The following CNBD1 variants were observed in gnomAD, a reference collection of about 807,000 sequenced individuals.
CNBD1 encodes cyclic nucleotide binding domain containing 1.
In CNBD1, 71 loss-of-function variants were observed where a neutral mutation model predicts 54.4. That is an observed-to-expected ratio of 1.30 (90% CI 1.08 to 1.59). The LOEUF (loss-of-function observed/expected upper bound fraction) is 1.59. Among genes scored for constraint, CNBD1 ranks in the 40% most tolerant of loss-of-function variants. The pLI, the probability that CNBD1 is intolerant of heterozygous loss-of-function variation, is 0.00. For synonymous variants in CNBD1, 182 were observed against 170.7 expected, an observed-to-expected ratio of 1.07 and a Z score of -0.51; for missense variants, 659 against 518.0, an observed-to-expected ratio of 1.27 and a Z score of -2.64.
At chr8:87,239,453 T>C (rs866243430) in intron 6 of CNBD1, among the ~76,000 whole-genome samples, 1 of 152,160 alleles carries the variant, frequency 6.6e-6, no homozygotes, top group Non-Finnish European at 1.5e-5. Flanking sequence ...AGGAGAGTTT[T>C]GTAGTTTTGC....
chr8:86,866,666 T>C (rs1293714096), intron 1 of CNBD1, 83 bp downstream of exon 1: 1 of 1,011,190 alleles, frequency 9.9e-7, no homozygotes, highest in Non-Finnish European at 1.5e-6. Context: ...ATTGGGGGTA[T>C]TTCAGGGTTG....
At chr8:86,938,558 G>A (rs1809592241) in intron 3 of CNBD1, among the ~76,000 whole-genome samples, 1 of 152,212 alleles carries the variant, frequency 6.6e-6, no homozygotes, top group Non-Finnish European at 1.5e-5. Context: ...TTACATAGGA[G>A]CAGGCAAATA....
At chr8:87,047,159 G>A (rs1269181848) in intron 4 of CNBD1, among the ~76,000 whole-genome samples, 1 of 152,040 alleles carries the variant, frequency 6.6e-6, no homozygotes, top group Non-Finnish European at 1.5e-5. Flanking sequence ...CCCGGGTATG[G>A]CACTTTTCCT....
At chr8:87,405,817 T>C (rs1373566504) in intron 2 of CNBD1, among the ~76,000 whole-genome samples, 4 of 152,174 alleles carry the variant, frequency 2.6e-5, no homozygotes, top group Non-Finnish European at 4.4e-5. Context: ...TTTTAGAGAT[T>C]CTGAAACCAG....
chr8:87,265,790 A>G (rs981835847), intron 6 of CNBD1, among the ~76,000 whole-genome samples: 1 of 152,160 alleles, frequency 6.6e-6, no homozygotes, highest in African/African-American at 2.4e-5. Flanking sequence ...TGCAAAACTG[A>G]AAATATGTAC....
chr8:86,912,211 A>G (rs1227184285), intron 3 of CNBD1, among the ~76,000 whole-genome samples: 1 of 152,178 alleles, frequency 6.6e-6, no homozygotes, highest in Non-Finnish European at 1.5e-5. Flanking sequence ...AAAAATTCAG[A>G]TTAACTTTAA....
chr8:87,223,478 GA>G (rs1814394734), intron 5 of CNBD1, among the ~76,000 whole-genome samples: 1 of 149,642 alleles, frequency 6.7e-6, no homozygotes, highest in Non-Finnish European at 1.5e-5. Context: ...ACCTATGAGT[GA>G]GAATATGCAG....
rs1053003967 is a variant in CNBD1, at chr8:87,390,670, G to A, written c.213+36884G>A. ...ACTATAAACTAGTTCAACCATTGTG[G>A]AAGTGAGTGTGATGATTCCTCAGGG... On this transcript the variant is annotated intron_variant, in intron 2 of 7. Transcript: ENST00000521593. Among the ~76,000 whole-genome samples the A allele has an allele frequency of 6.9e-4, 105 of 152,284 alleles. 1 individual carries two copies. The highest frequency in any genetic ancestry group is 2.5e-3 in the African/African-American group (103 of 41,550).
intron 4 of CNBD1, among the ~76,000 whole-genome samples, chr8:86,996,808 T>C (rs1808880767): frequency 6.6e-6 from 1 of 152,166 alleles, no homozygotes; most frequent in Admixed American, 6.5e-5. Flanking sequence ...AGATAAACAA[T>C]GACAATGTAT....
At chr8:87,063,151 C>T (rs1387802597) in intron 4 of CNBD1, among the ~76,000 whole-genome samples, 2 of 152,112 alleles carry the variant, frequency 1.3e-5, no homozygotes, top group Non-Finnish European at 2.9e-5. Context: ...GGTGGGTACT[C>T]AAGCAACCCT....
intron 3 of CNBD1, among the ~76,000 whole-genome samples, chr8:86,931,242 G>A (rs756474053): frequency 3.9e-5 from 6 of 152,250 alleles, no homozygotes; most frequent in South Asian, 2.1e-4. Flanking sequence ...ATAAGGCCAC[G>A]CCAGTGTCCA....
intron 8 of CNBD1, among the ~76,000 whole-genome samples, chr8:87,345,191 A>G (rs1157405014): frequency 1.3e-5 from 2 of 152,216 alleles, no homozygotes; most frequent in South Asian, 2.1e-4. Context: ...TCTTATTGAA[A>G]TGAAGCATAT....
intron 8 of CNBD1, among the ~76,000 whole-genome samples, chr8:87,331,465 A>G (rs982946932): frequency 7.2e-5 from 11 of 152,148 alleles, no homozygotes; most frequent in Admixed American, 2.0e-4. Flanking sequence ...TCCATCATTG[A>G]TGGGCATTTG....
intron 3 of CNBD1, among the ~76,000 whole-genome samples, chr8:86,917,830 T>A (rs775389723): frequency 6.6e-6 from 1 of 152,072 alleles, no homozygotes; most frequent in Non-Finnish European, 1.5e-5. Flanking sequence ...GAAAAAGATA[T>A]GAAATTTACA....
intron 4 of CNBD1, among the ~76,000 whole-genome samples, chr8:87,079,030 A>G (rs146619108): frequency 4.8e-4 from 73 of 150,530 alleles, no homozygotes; most frequent in African/African-American, 1.7e-3. Flanking sequence ...CTTTTTTTCT[A>G]GACCCAGGAA....
intron 4 of CNBD1, among the ~76,000 whole-genome samples, chr8:87,135,317 A>G (rs1812206006): frequency 6.6e-6 from 1 of 151,920 alleles, no homozygotes; most frequent in African/African-American, 2.4e-5. Flanking sequence ...TGTATTTAAC[A>G]AATCAAATAT....
At chr8:87,043,897 A>G (rs909248475) in intron 4 of CNBD1, among the ~76,000 whole-genome samples, 1 of 151,988 alleles carries the variant, frequency 6.6e-6, no homozygotes, top group Non-Finnish European at 1.5e-5. Flanking sequence ...TCCCCATCCC[A>G]CTGTCAGAAA....
At chr8:87,049,489 C>T (rs1160564985) in intron 4 of CNBD1, among the ~76,000 whole-genome samples, 1 of 152,140 alleles carries the variant, frequency 6.6e-6, no homozygotes, top group Non-Finnish European at 1.5e-5. Context: ...TGTGCACTCT[C>T]AATAATGACA....
chr8:86,980,399 C>G (rs527618686), intron 4 of CNBD1, among the ~76,000 whole-genome samples: 1 of 152,310 alleles, frequency 6.6e-6, no homozygotes, highest in South Asian at 2.1e-4. Flanking sequence ...CACATTTATC[C>G]ACTTCCTTAG....
Sources: allele counts gnomAD v4.1 joint callset (sites outside exome capture counted in the v4.1 genomes callset), GRCh38; gene constraint gnomAD v4.1.1; transcripts MANE v1.5; gene names NCBI Gene and HGNC (gene_info 2026-07-23, HGNC 2026-07-21).